Variants in GASK1B observed in about 807,000 individuals in gnomAD.
GASK1B encodes Golgi-associated kinase 1B.
Under a neutral mutation model 42.8 loss-of-function variants are expected in GASK1B, and 34 were observed. The ratio of observed to expected loss-of-function variants is 0.79; its 90% CI spans 0.60 to 1.06. The LOEUF is 1.06. GASK1B is among the 50% of genes least tolerant of loss of function. The pLI is 0.00. For synonymous variants in GASK1B, 262 were observed against 259.1 expected (o/e 1.01, Z -0.11); for missense variants, 686 against 661.0 (o/e 1.04, Z -0.42).
intron 2 of GASK1B, among the ~76,000 whole-genome samples, chr4:158,162,502 T>C (rs989724175): frequency 9.2e-5 from 14 of 152,198 alleles, no homozygotes; most frequent in Non-Finnish European, 1.9e-4. Flanking sequence ...TTGCCTGGCA[T>C]GACATCCTAG....
intron 2 of GASK1B, among the ~76,000 whole-genome samples, chr4:158,158,692 A>G (rs998677720): frequency 2.0e-5 from 3 of 152,116 alleles, no homozygotes; most frequent in African/African-American, 7.2e-5. Flanking sequence ...CTATTCAACT[A>G]TGCAACCGTT....
intron 2 of GASK1B, chr4:158,159,563 T>C (rs1408209513): frequency 4.5e-6 from 2 of 442,484 alleles, no homozygotes; most frequent in Admixed American, 5.1e-5. Context: ...CACATTCAGG[T>C]TTGTCAAAAT....
chr4:158,161,929 G>GA (rs1732033911), intron 2 of GASK1B, among the ~76,000 whole-genome samples: 1 of 151,950 alleles, frequency 6.6e-6, no homozygotes, highest in Non-Finnish European at 1.5e-5. Flanking sequence ...TAAAGTCCAG[G>GA]CTCCTTGCAG....
chr4:158,152,749 C>T (rs895640036), intron 3 of GASK1B, among the ~76,000 whole-genome samples: 5 of 152,156 alleles, frequency 3.3e-5, no homozygotes, highest in African/African-American at 1.2e-4. Context: ...AAAACAAAAA[C>T]CACATGATTA....
At chr4:158,132,717 G>A (rs776148565) in intron 3 of GASK1B, among the ~76,000 whole-genome samples, 3 of 152,112 alleles carry the variant, frequency 2.0e-5, no homozygotes, top group Non-Finnish European at 2.9e-5. Context: ...GCAAGCGAGC[G>A]ACCAAGCATT....
At chr4:158,133,866 T>C (rs1730778185) in intron 3 of GASK1B, among the ~76,000 whole-genome samples, 1 of 152,178 alleles carries the variant, frequency 6.6e-6, no homozygotes, top group Non-Finnish European at 1.5e-5. Context: ...CTAATTTTTT[T>C]CAGATCTATA....
intron 3 of GASK1B, among the ~76,000 whole-genome samples, chr4:158,137,409 G>A (rs907457567): frequency 1.3e-5 from 2 of 151,646 alleles, no homozygotes; most frequent in Non-Finnish European, 2.9e-5. Context: ...AAAAGACAGT[G>A]AGAATCGTTA....
intron 3 of GASK1B, among the ~76,000 whole-genome samples, chr4:158,148,058 T>C (rs1032893520): frequency 6.6e-6 from 1 of 151,894 alleles, no homozygotes; most frequent in Non-Finnish European, 1.5e-5. Context: ...AAAAATTTTT[T>C]GAATGTTTTA....
At chr4:158,147,353 C>A (rs1731369772) in intron 3 of GASK1B, among the ~76,000 whole-genome samples, 1 of 151,990 alleles carries the variant, frequency 6.6e-6, no homozygotes, top group South Asian at 2.1e-4. Context: ...GTAATCCCAA[C>A]ACTTTGAGAG....
chr4:158,153,293 C>A (rs1292279550), intron 3 of GASK1B, among the ~76,000 whole-genome samples: 1 of 152,048 alleles, frequency 6.6e-6, no homozygotes, highest in African/African-American at 2.4e-5. Flanking sequence ...TATGCTTAAC[C>A]AAGTAGGTAA....
chr4:158,160,764 C>G (rs1385598163), intron 2 of GASK1B, among the ~76,000 whole-genome samples: 2 of 152,086 alleles, frequency 1.3e-5, no homozygotes, highest in Non-Finnish European at 2.9e-5. Flanking sequence ...TAATGGAGTA[C>G]TATTATTCAC....
chr4:158,148,791 C>T (rs1731429473), intron 3 of GASK1B, among the ~76,000 whole-genome samples: 1 of 152,162 alleles, frequency 6.6e-6, no homozygotes, highest in African/African-American at 2.4e-5. Flanking sequence ...TTCACATGTT[C>T]AGATTCGTCC....
chr4:158,135,806 G>A (rs1455832796), intron 3 of GASK1B, among the ~76,000 whole-genome samples: 1 of 152,162 alleles, frequency 6.6e-6, no homozygotes, highest in East Asian at 1.9e-4. Context: ...TCAGAGAAAA[G>A]CTCATGAAGG....
Position 158,127,299 on chromosome 4 carries a change from A to G in GASK1B, c.*108T>C. On this transcript the variant is annotated 3_prime_UTR_variant, in exon 5 of 5. Transcript: ENST00000585682. ...TTAAAGTCATTTATTTTACGTATTCATCTACACTGCCTCATTGCTAAACGG... is the reference window on the plus strand; with the variant it reads ...TTAAAGTCATTTATTTTACGTATTCGTCTACACTGCCTCATTGCTAAACGG... 2 of 870,260 alleles carry G rather than the reference A, an allele frequency of 2.3e-6. No individual in the cohort carries two copies. The highest frequency in any genetic ancestry group is 3.7e-6 in the Non-Finnish European group (2 of 546,676). 53.9% of individuals were successfully genotyped at this position (870,260 alleles called of 1,614,324 possible).
intron 3 of GASK1B, among the ~76,000 whole-genome samples, chr4:158,144,444 A>T (rs914717055): frequency 6.6e-6 from 1 of 152,232 alleles, no homozygotes; most frequent in Non-Finnish European, 1.5e-5. Flanking sequence ...CACTATTAAA[A>T]GTCTATAATA....
At chr4:158,141,597 CTTTTTTTT>C (rs199530247) in intron 3 of GASK1B, among the ~76,000 whole-genome samples, 1,977 of 113,454 alleles carry the variant, frequency 0.017, 35 homozygotes, top group African/African-American at 0.064. Context: ...TTGTATTTAC[CTTTTTTTT>C]TTTTTTTTTT....
At chr4:158,147,329 G>A (rs894213933) in intron 3 of GASK1B, among the ~76,000 whole-genome samples, 17 of 151,720 alleles carry the variant, frequency 1.1e-4, no homozygotes, top group East Asian at 1.9e-4. Flanking sequence ...GGCCAGGCAC[G>A]GTGACTCATG....
chr4:158,171,545 GA>G lies in GASK1B; in HGVS notation c.-171del. 1.6e-6 allele frequency: 1 copy of G among 612,268 alleles called. No homozygotes were observed. The highest frequency in any genetic ancestry group is 2.6e-6 in the Non-Finnish European group (1 of 384,162). 37.9% of individuals were successfully genotyped at this position (612,268 alleles called of 1,614,324 possible). On this transcript the variant is annotated 5_prime_UTR_variant, in exon 2 of 5. Transcript: ENST00000585682. The stretch of plus-strand genomic sequence containing the variant: ...TGGTGATGAAGCTGGGAATGTTTCT[GA>G]CACAACAAACCTTTTAAATTATCAG...
At chr4:158,153,039 C>T (rs1241031780) in intron 3 of GASK1B, among the ~76,000 whole-genome samples, 1 of 152,092 alleles carries the variant, frequency 6.6e-6, no homozygotes. Context: ...ACATCCAAAT[C>T]AGTAAAGAGG....
Sources: allele counts gnomAD v4.1 joint callset (sites outside exome capture counted in the v4.1 genomes callset), GRCh38; gene constraint gnomAD v4.1.1; transcripts MANE v1.5; gene names NCBI Gene and HGNC (gene_info 2026-07-23, HGNC 2026-07-21).